The following CLASP1 variants were observed in gnomAD, a reference collection of about 807,000 sequenced individuals.
The protein encoded by CLASP1 is CLIP-associating protein 1.
A neutral mutation model predicts 192.3 loss-of-function variants in CLASP1; 38 were observed. The ratio of observed to expected loss-of-function variants is 0.20; its 90% CI spans 0.15 to 0.26. CLASP1 has a LOEUF of 0.26. Among genes scored for constraint, CLASP1 ranks in the 10% least tolerant of loss-of-function variants. The probability of loss-of-function intolerance (pLI) is 1.00; values close to 1 mark genes in which losing one functional copy is unlikely to be tolerated. For synonymous variants in CLASP1, 691 were observed against 712.8 expected (o/e 0.97, Z 0.49); for missense variants, 1,433 against 1,932.5 (o/e 0.74, Z 4.85).
intron 12 of CLASP1, among the ~76,000 whole-genome samples, 174 bp from the exon 13 acceptor site, chr2:121,459,149 TTG>T (rs1348234985): frequency 6.8e-6 from 1 of 147,412 alleles, no homozygotes; most frequent in Admixed American, 7.1e-5. Flanking sequence ...AAAAGTTTTG[TTG>T]TTTTTTTTTT....
chr2:121,418,531 G>T, intron 23 of CLASP1, 91 bp downstream of exon 23: 2 of 849,638 alleles, frequency 2.4e-6, no homozygotes, highest in Non-Finnish European at 4.0e-6. Flanking sequence ...GGACAGTAGA[G>T]GAGGAAAAGC....
chr2:121,401,780 C>G, intron 27 of CLASP1, 88 bp downstream of exon 28: 1 of 911,906 alleles, frequency 1.1e-6, no homozygotes. Flanking sequence ...ACTCTTGTAA[C>G]TTAGGTTAAC....
At chr2:121,367,621 C>T in exon 35 of CLASP1, 2 of 1,614,062 alleles carry the variant, frequency 1.2e-6, no homozygotes, top group Non-Finnish European at 1.7e-6. Context: ...TCATCGAACA[C>T]AGCCTCTTTC....
chr2:121,537,405 AAGAGAGAG>A (rs530114114), intron 2 of CLASP1, among the ~76,000 whole-genome samples: 1 of 151,100 alleles, frequency 6.6e-6, no homozygotes, highest in Non-Finnish European at 1.5e-5. Context: ...GAAAAAAAAA[AAGAGAGAG>A]AGAGAGAGAG....
At chr2:121,647,728 C>T (rs1179478659) in intron 1 of CLASP1, among the ~76,000 whole-genome samples, 1 of 152,218 alleles carries the variant, frequency 6.6e-6, no homozygotes, top group Admixed American at 6.5e-5. Context: ...ATGGTGAAAA[C>T]TTAGCAAAAG....
chr2:121,471,096 A>G (rs112839848), intron 8 of CLASP1, among the ~76,000 whole-genome samples: 4,455 of 152,288 alleles, frequency 0.029, 226 homozygotes, highest in African/African-American at 0.1. Context: ...CAGCCTGGGC[A>G]ACATAGCAAG....
intron 8 of CLASP1, among the ~76,000 whole-genome samples, chr2:121,487,193 T>C (rs1335588144): frequency 6.6e-6 from 1 of 152,130 alleles, no homozygotes; most frequent in East Asian, 1.9e-4. Flanking sequence ...CAGTGCTGCT[T>C]AGAACCACCT....
chr2:121,342,734 T>TC, intron 39 of CLASP1, among the ~76,000 whole-genome samples: 1 of 152,076 alleles, frequency 6.6e-6, no homozygotes, highest in East Asian at 1.9e-4. Flanking sequence ...TGAAACCAGT[T>TC]CAAGACCAGA....
At chr2:121,496,213 T>C (rs2093524931) in intron 8 of CLASP1, among the ~76,000 whole-genome samples, 1 of 152,224 alleles carries the variant, frequency 6.6e-6, no homozygotes, top group South Asian at 2.1e-4. Context: ...CTTAGCTGAG[T>C]ATAGGCTGCT....
At chr2:121,608,848 G>A (rs1042048605) in intron 1 of CLASP1, among the ~76,000 whole-genome samples, 2 of 151,902 alleles carry the variant, frequency 1.3e-5, no homozygotes, top group Non-Finnish European at 2.9e-5. Context: ...CCTTCAAGGG[G>A]CCTAAAATGA....
intron 22 of CLASP1, among the ~76,000 whole-genome samples, chr2:121,420,329 T>C (rs1017285268): frequency 3.3e-5 from 5 of 152,212 alleles, no homozygotes; most frequent in Admixed American, 6.5e-5. Flanking sequence ...CCTACAATGA[T>C]GACAAAAGGA....
intron 2 of CLASP1, among the ~76,000 whole-genome samples, chr2:121,594,745 T>G (rs1277694070): frequency 6.6e-6 from 1 of 152,144 alleles, no homozygotes; most frequent in Non-Finnish European, 1.5e-5. Context: ...ATTATATAAA[T>G]GAATGACCTT....
chr2:121,351,453 G>A (rs961705641), intron 37 of CLASP1, among the ~76,000 whole-genome samples: 4 of 152,202 alleles, frequency 2.6e-5, no homozygotes, highest in African/African-American at 4.8e-5. Flanking sequence ...GCATTTACCA[G>A]GAGCTTAGTA....
At chr2:121,634,669 T>C (rs2070456064) in intron 1 of CLASP1, among the ~76,000 whole-genome samples, 1 of 152,182 alleles carries the variant, frequency 6.6e-6, no homozygotes. Context: ...TCCCACTATG[T>C]TTACTTTAGA....
intron 2 of CLASP1, among the ~76,000 whole-genome samples, chr2:121,539,410 A>T (rs1300641260): frequency 6.6e-6 from 1 of 152,220 alleles, no homozygotes; most frequent in Non-Finnish European, 1.5e-5. Flanking sequence ...GCTACTTTTT[A>T]AATTGATGCC....
intron 1 of CLASP1, among the ~76,000 whole-genome samples, chr2:121,641,974 T>C (rs559047767): frequency 1.3e-5 from 2 of 150,768 alleles, no homozygotes; most frequent in South Asian, 2.1e-4. Context: ...CTAGGCAACA[T>C]AGTAAGACCC....
chr2:121,337,974 A>C (rs1353442254), exon 40 of CLASP1: 1 of 152,118 alleles, frequency 6.6e-6, no homozygotes, highest in South Asian at 2.1e-4. Flanking sequence ...CAAAAAACAA[A>C]AAAACCCACC....
Position 121,591,154 on chromosome 2 carries a change from C to T in CLASP1, c.195+14547G>A, listed in dbSNP as rs868155678. Among the ~76,000 whole-genome samples, 4 of 151,378 alleles carry T rather than the reference C, an allele frequency of 2.6e-5. No individual in the cohort carries two copies. The Middle Eastern group carries it at 0.014, about 515-fold the overall frequency. On this transcript the variant is annotated intron_variant, in intron 2 of 39. Coordinates refer to ENST00000263710, the Ensembl canonical transcript of CLASP1. ...CTGCTGGGATTACAGGTGTGAGCCA[C>T]TGCGTCCGGCCAAATTATTTGATTT...
intron 22 of CLASP1, among the ~76,000 whole-genome samples, chr2:121,423,148 A>G (rs2079801068): frequency 6.6e-6 from 1 of 152,140 alleles, no homozygotes; most frequent in Non-Finnish European, 1.5e-5. Flanking sequence ...ATATGCATAT[A>G]TTCTCGCAAT....
Sources: allele counts gnomAD v4.1 joint callset (sites outside exome capture counted in the v4.1 genomes callset), GRCh38; gene constraint gnomAD v4.1.1; transcripts MANE v1.5; gene names NCBI Gene and HGNC (gene_info 2026-07-23, HGNC 2026-07-21).